TRAF3IP1: variants seen among roughly 807,000 people sequenced by gnomAD.
TRAF3IP1 encodes TRAF3-interacting protein 1.
In TRAF3IP1, 53 loss-of-function variants were observed where a neutral mutation model predicts 89.9. The ratio of observed to expected loss-of-function variants is 0.59; its 90% CI spans 0.47 to 0.74. TRAF3IP1 has a LOEUF of 0.74. Among genes scored for constraint, TRAF3IP1 ranks in the 30% least tolerant of loss-of-function variants. The pLI, the probability that TRAF3IP1 is intolerant of heterozygous loss-of-function variation, is 0.00. For missense variants in TRAF3IP1, 806 were observed against 866.1 expected (o/e 0.93, Z 0.87); for synonymous variants, 311 against 322.1 (o/e 0.97, Z 0.37).
intron 14 of TRAF3IP1, among the ~76,000 whole-genome samples, chr2:238,353,835 G>T (rs2106328468): frequency 6.6e-6 from 1 of 152,274 alleles, no homozygotes; most frequent in South Asian, 2.1e-4. Context: ...GTTCAGTGGT[G>T]CTATCTCAAC....
chr2:238,362,091 A>C (rs187731551), intron 15 of TRAF3IP1, among the ~76,000 whole-genome samples: 8 of 151,378 alleles, frequency 5.3e-5, no homozygotes, highest in East Asian at 3.9e-4. Context: ...GCTGTTGGCC[A>C]CTCTCTCCGT....
intron 7 of TRAF3IP1, among the ~76,000 whole-genome samples, chr2:238,337,561 A>G (rs1286155581): frequency 6.6e-6 from 1 of 152,260 alleles, no homozygotes; most frequent in Non-Finnish European, 1.5e-5. Context: ...GAGTGGCAGG[A>G]GTAAAGGCTG....
At chr2:238,395,825 T>A (rs9751985) in intron 15 of TRAF3IP1, among the ~76,000 whole-genome samples, 1 of 151,404 alleles carries the variant, frequency 6.6e-6, no homozygotes, top group African/African-American at 2.4e-5. Context: ...AAAACCACAA[T>A]GAGATACCAT....
chr2:238,357,109 A>G (rs7578209), intron 15 of TRAF3IP1, among the ~76,000 whole-genome samples: 152,204 of 152,290 alleles, frequency 1, 76,059 homozygotes, highest in Middle Eastern at 1. Context: ...TTTTAAATAC[A>G]TGTTCTATTG....
chr2:238,398,816 A>G lies in TRAF3IP1; in HGVS notation c.1973A>G (p.Lys658Arg), dbSNP rs771969150. 5.3e-5 allele frequency: 86 copies of G among 1,613,212 alleles called. No homozygotes were observed. The highest frequency in any genetic ancestry group is 7.2e-5 in the Non-Finnish European group (85 of 1,179,720). Residue 658 changes from lysine to arginine, a missense_variant, in exon 17 of 17, where the codon AAA (lysine) becomes AGA (arginine). Coordinates refer to ENST00000373327, the MANE Select transcript of TRAF3IP1 (RefSeq NM_015650.4). ...AELAELEQLI[K>R]DQQDKICAVK... ...CTCGCGGAGCTGGAGCAGCTGATCA[A>G]AGACCAGCAAGACAAGATCTGTGCT...
At chr2:238,370,378 G>A (rs1243310460) in intron 15 of TRAF3IP1, among the ~76,000 whole-genome samples, 2 of 152,146 alleles carry the variant, frequency 1.3e-5, no homozygotes, top group Admixed American at 1.3e-4. Context: ...ACGTGTGCAT[G>A]TCTGCATGCA....
At chr2:238,386,221 G>T (rs1700761460) in intron 15 of TRAF3IP1, among the ~76,000 whole-genome samples, 1 of 152,194 alleles carries the variant, frequency 6.6e-6, no homozygotes, top group Non-Finnish European at 1.5e-5. Context: ...GTCACAGAGG[G>T]TTGTTTCAGT....
intron 3 of TRAF3IP1, among the ~76,000 whole-genome samples, chr2:238,327,950 T>A (rs1697919928): frequency 6.6e-6 from 1 of 152,200 alleles, no homozygotes; most frequent in Non-Finnish European, 1.5e-5. Context: ...AATATTCCAT[T>A]GTAATGGATA....
intron 15 of TRAF3IP1, among the ~76,000 whole-genome samples, chr2:238,381,764 G>A (rs969947584): frequency 1.3e-5 from 2 of 152,196 alleles, no homozygotes; most frequent in Non-Finnish European, 2.9e-5. Context: ...CAGAACTGAC[G>A]GGGACCTTTG....
intron 14 of TRAF3IP1, 76 bp downstream of exon 14, chr2:238,353,285 G>T: frequency 1.3e-6 from 2 of 1,532,232 alleles, no homozygotes; most frequent in African/African-American, 1.4e-5. Flanking sequence ...GGCCTGGAAG[G>T]ATCCAGTGCA....
At chr2:238,388,261 G>C (rs184759577) in intron 15 of TRAF3IP1, among the ~76,000 whole-genome samples, 1 of 151,554 alleles carries the variant, frequency 6.6e-6, no homozygotes, top group African/African-American at 2.4e-5. Flanking sequence ...TATAATCCCA[G>C]CTACTCGGGA....
intron 9 of TRAF3IP1, chr2:238,347,164 TGA>T: frequency 2.7e-6 from 1 of 367,716 alleles, no homozygotes; most frequent in Non-Finnish European, 4.9e-6. Flanking sequence ...TCTTGTCTCA[TGA>T]ACTTGTTAAC....
intron 15 of TRAF3IP1, among the ~76,000 whole-genome samples, chr2:238,365,499 A>G (rs1381570340): frequency 6.6e-6 from 1 of 152,096 alleles, no homozygotes; most frequent in Non-Finnish European, 1.5e-5. Context: ...CATCTCTACA[A>G]AAATTAAAAA....
chr2:238,381,418 G>A (rs1254303588), intron 15 of TRAF3IP1, among the ~76,000 whole-genome samples: 2 of 152,234 alleles, frequency 1.3e-5, no homozygotes, highest in African/African-American at 4.8e-5. Flanking sequence ...CGGGTGGGGT[G>A]CTCTTTGATT....
intron 15 of TRAF3IP1, among the ~76,000 whole-genome samples, chr2:238,369,903 C>T (rs894462759): frequency 1.1e-4 from 16 of 152,158 alleles, no homozygotes; most frequent in South Asian, 8.3e-4. Flanking sequence ...GATTTTCATG[C>T]GCAGATGGCC....
intron 15 of TRAF3IP1, among the ~76,000 whole-genome samples, chr2:238,387,081 C>T (rs1180648922): frequency 1.3e-5 from 2 of 152,180 alleles, no homozygotes; most frequent in African/African-American, 2.4e-5. Flanking sequence ...ATGAGACAGG[C>T]GTTACACCCA....
At chr2:238,360,467 A>G (rs1699610288) in intron 15 of TRAF3IP1, among the ~76,000 whole-genome samples, 1 of 152,210 alleles carries the variant, frequency 6.6e-6, no homozygotes, top group Non-Finnish European at 1.5e-5. Flanking sequence ...TCTCTACAAA[A>G]AAACAAAAAC....
At chr2:238,341,092 C>T (rs901080530) in intron 8 of TRAF3IP1, among the ~76,000 whole-genome samples, 2 of 152,076 alleles carry the variant, frequency 1.3e-5, no homozygotes, top group African/African-American at 4.8e-5. Context: ...ATGATCATAG[C>T]TCACTGCAGT....
At position 238,334,053 on chromosome 2, in the gene TRAF3IP1, T is replaced by C. The variant is rs771176020; in HGVS notation, c.1063+18T>C. On this transcript the variant is annotated intron_variant, in intron 7 of 16. Transcript: ENST00000373327. Reference sequence around the variant, plus strand: ...AGTGGAAGGTACTGCAAAACTTATATATGTAGCTGAAAATATGGATATTAG... The same window carrying C: ...AGTGGAAGGTACTGCAAAACTTATACATGTAGCTGAAAATATGGATATTAG... 4.4e-6 allele frequency: 7 copies of C among 1,579,588 alleles called. No individual in the cohort carries two copies. Among genetic ancestry groups the C allele is most frequent in the African/African-American group, 2.7e-5 (2 of 73,222 alleles).
Sources: gnomAD v4.1 joint callset for allele counts (sites outside exome capture counted in the v4.1 genomes callset) on GRCh38, gnomAD v4.1.1 for gene constraint, MANE v1.5 for transcripts, NCBI Gene and HGNC (gene_info 2026-07-23, HGNC 2026-07-21) for gene names.